The following PTGFRN variants were observed in gnomAD, a reference collection of about 807,000 sequenced individuals.
The protein encoded by PTGFRN is prostaglandin F2 receptor inhibitor, also known as prostaglandin F2 receptor negative regulator.
PTGFRN carries 35 observed loss-of-function variants against 83.2 expected under a neutral mutation model. The ratio of observed to expected loss-of-function variants is 0.42; its 90% confidence interval spans 0.32 to 0.56. The LOEUF is 0.56. Among genes scored for constraint, PTGFRN ranks in the 20% least tolerant of loss-of-function variants. The pLI, the probability that PTGFRN is intolerant of heterozygous loss-of-function variation, is 0.11. For missense variants in PTGFRN, 1,051 were observed against 1,179.5 expected, an observed-to-expected ratio of 0.89 and a Z score of 1.60; for synonymous variants, 519 against 498.6, an observed-to-expected ratio of 1.04 and a Z score of -0.55.
chr1:116,953,857 T>C (rs796260511), intron 4 of PTGFRN, among the ~76,000 whole-genome samples: 15 of 149,790 alleles, frequency 1.0e-4, no homozygotes, highest in African/African-American at 2.4e-4. Flanking sequence ...ATATTTCTTT[T>C]TTTTTTTTTT....
In PTGFRN at chr1:116,969,778, C is replaced by T. The variant is rs1037683680; in HGVS notation, c.2059+2448C>T. Among the ~76,000 whole-genome samples, 10 of 152,072 alleles carry T rather than the reference C, an allele frequency of 6.6e-5. No homozygotes were observed. The East Asian group carries it at 1.9e-3, about 29-fold the overall frequency. On this transcript the variant is annotated intron_variant, in intron 6 of 8. Coordinates refer to ENST00000393203, the MANE Select transcript of PTGFRN (RefSeq NM_020440.4). ...TATTTAAATTTTTTCCATGGTGTTT[C>T]GTAGTTTTCAGTGTACAGATCTTGT...
intron 1 of PTGFRN, among the ~76,000 whole-genome samples, chr1:116,932,836 T>A (rs1489513658): frequency 6.6e-6 from 1 of 152,184 alleles, no homozygotes; most frequent in African/African-American, 2.4e-5. Flanking sequence ...GCAAACGAAA[T>A]CCGACCTATC....
At chr1:116,924,054 T>C (rs547138534) in intron 1 of PTGFRN, among the ~76,000 whole-genome samples, 1 of 152,056 alleles carries the variant, frequency 6.6e-6, no homozygotes, top group East Asian at 1.9e-4. Context: ...GGGAGTACTT[T>C]AGGCAGAGGT....
At chr1:116,953,853 CTTTT>C (rs531278323) in intron 4 of PTGFRN, among the ~76,000 whole-genome samples, 3 of 135,026 alleles carry the variant, frequency 2.2e-5, no homozygotes, top group Non-Finnish European at 3.2e-5. Flanking sequence ...ATGAATATTT[CTTTT>C]TTTTTTTTTT....
chr1:116,944,833 G>C lies in PTGFRN; in HGVS notation c.573G>C (p.Pro191=), dbSNP rs762925553. 1.9e-6 allele frequency: 3 copies of C among 1,585,422 alleles called. No homozygotes were observed. Among genetic ancestry groups the C allele is most frequent in the East Asian group, 4.6e-5 (2 of 43,780 alleles). The change falls in exon 3 of 9, where the codon CCG becomes CCC. Residue 191 remains proline, a synonymous_variant. Transcript: ENST00000393203. ...TGCTGTGGGAGGTGCACCGCGGCCC[G>C]GCCAGGCGGAGCGTCCTCGCCCTGA... The part of the protein sequence containing the change: ...LALLWEVHRG[P]ARRSVLALTH...
chr1:116,965,294 A>AT (rs1248263073), intron 5 of PTGFRN, among the ~76,000 whole-genome samples: 2 of 151,668 alleles, frequency 1.3e-5, no homozygotes, highest in African/African-American at 2.4e-5. Context: ...TTTTAATTTT[A>AT]TTTTTTTAGA....
At position 116,967,270 on chromosome 1, in the gene PTGFRN, C is replaced by A; in HGVS notation, c.1999C>A (p.Leu667Ile). Residue 667 changes from leucine (L) to isoleucine (I), a missense_variant, in exon 6 of 9, where the codon CTT becomes ATT. Physicochemically the swap from Leu to Ile is conservative, Grantham distance 5. Transcript: ENST00000393203. ...AGCCTGGTCTCCTGTCAGGGGCAGC[C>A]TTTGGCGAGAAGCAGCAACCAGTCT... ...VTAWSPVRGS[L>I]WREAATSLSN... 1 of 1,614,198 alleles carries A rather than the reference C, an allele frequency of 6.2e-7. No individual in the cohort carries two copies.
At position 116,961,676 on chromosome 1, in the gene PTGFRN, C is replaced by CT; in HGVS notation, c.1639+14dup. On this transcript the variant is annotated intron_variant, in intron 5 of 8. Transcript: ENST00000393203. The surrounding 1 kb of genome is among the most constrained non-coding windows in gnomAD (Gnocchi z 5.4). ...TATTTTGGGCATTAGAAGGTAGGAA[C>CT]TTTTTTCTTGTTATTCATTTTTGTT... 6.3e-7 allele frequency: 1 copy of CT among 1,593,220 alleles called. No homozygotes were observed. Among genetic ancestry groups the CT allele is most frequent in the Non-Finnish European group, 8.5e-7 (1 of 1,169,782 alleles).
rs923198193 is a variant in PTGFRN at position 116,958,089 on chromosome 1, A to G, written c.1214-3154A>G. On this transcript the variant is annotated intron_variant, in intron 4 of 8. Transcript: ENST00000393203. The surrounding 1 kb of genome is among the most constrained non-coding windows in gnomAD (Gnocchi z 4.9). ...CTGCAATGAACATCTACCATCTTTC[A>G]TCATAATTTTGACAGCCTTTGAAAA... is the stretch of plus-strand genomic sequence containing the variant. Among the ~76,000 whole-genome samples, 1 of 152,028 alleles carries G rather than the reference A, an allele frequency of 6.6e-6. No individual in the cohort carries two copies. The highest frequency in any genetic ancestry group is 1.5e-5 in the Non-Finnish European group (1 of 68,008).
At chr1:116,975,483 C>A (rs1020850583) in intron 7 of PTGFRN, among the ~76,000 whole-genome samples, 1 of 152,200 alleles carries the variant, frequency 6.6e-6, no homozygotes, top group Admixed American at 6.5e-5. Context: ...CCAGTAGGGG[C>A]AGACTGACAC....
At chr1:116,955,326 GTGT>G (rs770250189) in intron 4 of PTGFRN, among the ~76,000 whole-genome samples, 1 of 152,192 alleles carries the variant, frequency 6.6e-6, no homozygotes, top group Non-Finnish European at 1.5e-5. Flanking sequence ...CTTACAGTGT[GTGT>G]TGTTGTTTGT....
chr1:116,954,591 G>C (rs954302767), intron 4 of PTGFRN, among the ~76,000 whole-genome samples: 3 of 152,346 alleles, frequency 2.0e-5, no homozygotes, highest in African/African-American at 7.2e-5. Context: ...CACAGTTCAG[G>C]ATTAGTGCTT....
intron 1 of PTGFRN, among the ~76,000 whole-genome samples, chr1:116,940,598 A>G (rs902782965): frequency 6.6e-6 from 1 of 152,178 alleles, no homozygotes; most frequent in Non-Finnish European, 1.5e-5. Context: ...AAAATACAAA[A>G]TTAATAAAAG....
chr1:116,950,754 C>A (rs576386482), intron 4 of PTGFRN, among the ~76,000 whole-genome samples: 2 of 152,196 alleles, frequency 1.3e-5, no homozygotes, highest in South Asian at 2.1e-4. Context: ...AAGGGACAAT[C>A]CGATTCCGAT....
At chr1:116,981,126 C>T (rs918616590) in intron 7 of PTGFRN, among the ~76,000 whole-genome samples, 1 of 152,192 alleles carries the variant, frequency 6.6e-6, no homozygotes, top group South Asian at 2.1e-4. Context: ...TCTGCTTAGC[C>T]TCATTTAGTG....
At chr1:116,913,805 A>G (rs2254371) in intron 1 of PTGFRN, among the ~76,000 whole-genome samples, 8,530 of 152,230 alleles carry the variant, frequency 0.056, 746 homozygotes, top group African/African-American at 0.19. Flanking sequence ...GATTAACAGG[A>G]CAGGGTAATG....
chr1:116,935,931 A>G (rs1481639118), intron 1 of PTGFRN, among the ~76,000 whole-genome samples: 2 of 152,164 alleles, frequency 1.3e-5, no homozygotes, highest in Non-Finnish European at 2.9e-5. Flanking sequence ...GGTTTCTTAT[A>G]TTGACTCCTG....
chr1:116,913,656 A>G (rs946978909), intron 1 of PTGFRN, among the ~76,000 whole-genome samples: 2 of 152,108 alleles, frequency 1.3e-5, no homozygotes, highest in African/African-American at 4.8e-5. Context: ...GGCCACGTTG[A>G]TTTTGTTCAC....
rs1264049427 is a variant in PTGFRN at position 116,984,759 on chromosome 1, G to A, written c.2247G>A (p.Leu749=). ...LDKAPVLLSS[L]DRKGIVTTSR... is the part of the protein sequence containing the mutation. The stretch of plus-strand genomic sequence containing the variant: ...AGGCTCCTGTGCTCCTGTCTTCCCT[G>A]GATCGGAAGGGCATCGTGACCACCT... Residue 749 remains leucine (L), a synonymous_variant, in exon 8 of 9, where the codon CTG becomes CTA. Transcript: ENST00000393203. 1 of 1,614,070 alleles carries A rather than the reference G, an allele frequency of 6.2e-7. No homozygotes were observed. Among genetic ancestry groups the A allele is most frequent in the Non-Finnish European group, 8.5e-7 (1 of 1,180,024 alleles).
Sources: gnomAD v4.1 joint callset for allele counts (sites outside exome capture counted in the v4.1 genomes callset) on GRCh38, gnomAD v4.1.1 for gene constraint, Gnocchi (gnomAD v3.1) non-coding constraint, MANE v1.5 for transcripts, NCBI Gene and HGNC (gene_info 2026-07-23, HGNC 2026-07-21) for gene names.